Variants in RPRD2 observed in about 807,000 individuals in gnomAD.
RPRD2 encodes regulation of nuclear pre-mRNA domain-containing protein 2.
A neutral mutation model predicts 104.4 loss-of-function variants in RPRD2; 12 were observed. The observed-to-expected ratio is 0.11, with a 90% confidence interval of 0.07 to 0.19. The LOEUF is 0.19. Among genes scored for constraint, RPRD2 ranks in the 10% least tolerant of loss-of-function variants. RPRD2 has a pLI of 1.00. For synonymous variants in RPRD2, 714 were observed against 684.9 expected (o/e 1.04, Z -0.66); for missense variants, 1,543 against 1,790.1 (o/e 0.86, Z 2.49).
intron 5 of RPRD2, 115 bp downstream of exon 5, chr1:150,443,398 A>G (rs1666536325): frequency 1.4e-6 from 1 of 735,476 alleles, no homozygotes; most frequent in Non-Finnish European, 2.2e-6. Flanking sequence ...TCATGTTTTA[A>G]ACATGCATGA....
intron 2 of RPRD2, among the ~76,000 whole-genome samples, chr1:150,439,370 T>C (rs1227379155): frequency 1.3e-5 from 2 of 149,936 alleles, no homozygotes; most frequent in Non-Finnish European, 3.0e-5. Context: ...CAATAAAGCA[T>C]GTCACACGCA....
At chr1:150,387,909 T>C (rs1553882244) in intron 1 of RPRD2, among the ~76,000 whole-genome samples, 1 of 141,700 alleles carries the variant, frequency 7.1e-6, no homozygotes, top group Non-Finnish European at 1.5e-5. Context: ...TTTTTTTCTT[T>C]TCTCTTTTTT....
chr1:150,436,861 C>T (rs111607509), intron 2 of RPRD2, among the ~76,000 whole-genome samples: 7,269 of 150,030 alleles, frequency 0.048, 437 homozygotes, highest in African/African-American at 0.14. Flanking sequence ...GCTGAGATCG[C>T]GCCATTGCAC....
intron 8 of RPRD2, among the ~76,000 whole-genome samples, chr1:150,458,814 T>C (rs1346411619): frequency 2.0e-5 from 3 of 152,042 alleles, no homozygotes; most frequent in African/African-American, 7.2e-5. Context: ...CGGCTATTTT[T>C]TGTATGTTTA....
In RPRD2 at chr1:150,475,094, C is replaced by G. The variant is rs587774348; in HGVS notation, c.*1760C>G. The G allele has an allele frequency of 6.6e-6, 1 of 152,284 alleles. No individual in the cohort carries two copies. The highest frequency in any genetic ancestry group is 2.1e-4 in the South Asian group (1 of 4,828). 9.4% of individuals were successfully genotyped at this position (152,284 alleles called of 1,614,324 possible). On this transcript the variant is annotated 3_prime_UTR_variant, in exon 11 of 11. Transcript: ENST00000369068. ...TCTGGTCTTAAGCCAACTGTTCTTT[C>G]TTTCCTCGACCCTCTCTGCCCTGTA...
chr1:150,431,646 A>G (rs1665605024), intron 2 of RPRD2, among the ~76,000 whole-genome samples: 1 of 134,892 alleles, frequency 7.4e-6, no homozygotes. Context: ...ATACCCAGCT[A>G]ATTTTTGTAT....
chr1:150,372,739 A>G (rs1229039732), intron 1 of RPRD2, among the ~76,000 whole-genome samples: 1 of 152,140 alleles, frequency 6.6e-6, no homozygotes, highest in African/African-American at 2.4e-5. Context: ...ACATGAGGGT[A>G]TGAGGTGGGC....
At chr1:150,431,953 G>A (rs1341124151) in intron 2 of RPRD2, among the ~76,000 whole-genome samples, 1 of 152,126 alleles carries the variant, frequency 6.6e-6, no homozygotes, top group East Asian at 1.9e-4. Context: ...GCTGGAGAAA[G>A]GGGAGAATTG....
chr1:150,402,910 G>A (rs1663163659), intron 1 of RPRD2, among the ~76,000 whole-genome samples: 1 of 152,000 alleles, frequency 6.6e-6, no homozygotes, highest in African/African-American at 2.4e-5. Context: ...GGAGGTTGCG[G>A]TGAGCCGAGA....
At chr1:150,365,035 A>G in intron 1 of RPRD2, 116 bp downstream of exon 1, 1 of 1,073,596 alleles carries the variant, frequency 9.3e-7, no homozygotes, top group Non-Finnish European at 1.3e-6. Context: ...TGTTCACATT[A>G]AAGGTTTGAC....
chr1:150,436,603 A>T (rs1560201163), intron 2 of RPRD2, among the ~76,000 whole-genome samples: 1 of 145,714 alleles, frequency 6.9e-6, no homozygotes, highest in South Asian at 2.2e-4. Context: ...CGTCTCAATT[A>T]AAAAAAAAGA....
intron 10 of RPRD2, among the ~76,000 whole-genome samples, chr1:150,467,760 T>C (rs962612881): frequency 1.3e-5 from 2 of 152,112 alleles, no homozygotes; most frequent in African/African-American, 4.8e-5. Flanking sequence ...AAAAGGATTG[T>C]ATCTAGCAAG....
rs1446639236 is a variant in RPRD2, at chr1:150,472,034, C to T, written c.3086C>T (p.Ala1029Val). ...KPSDDKHFGQAPSKGTPSDGV... is the reference protein window; with the variant it reads ...KPSDDKHFGQVPSKGTPSDGV... The stretch of plus-strand genomic sequence containing the variant: ...TCAGATGATAAGCATTTTGGCCAGG[C>T]TCCCAGCAAGGGCACTCCAAGTGAT... Residue 1029 changes from alanine (A) to valine (V), a missense_variant, in exon 11 of 11, where the codon GCT becomes GTT. Coordinates refer to ENST00000369068, the MANE Select transcript of RPRD2 (RefSeq NM_015203.5). 4 of 1,613,886 alleles carry T rather than the reference C, an allele frequency of 2.5e-6. No individual in the cohort carries two copies. The highest frequency in any genetic ancestry group is 3.3e-5 in the Admixed American group (2 of 60,012).
At chr1:150,370,159 G>C (rs182264410) in intron 1 of RPRD2, among the ~76,000 whole-genome samples, 20 of 152,224 alleles carry the variant, frequency 1.3e-4, no homozygotes, top group African/African-American at 4.8e-4. Flanking sequence ...CTATCTGCCT[G>C]CCTTGGTCTC....
rs1452626640 is a variant in RPRD2, at chr1:150,474,803, A to T, written c.*1469A>T. The stretch of plus-strand genomic sequence containing the variant: ...TTTCCAGAGAATTCTGGCAAGTTTC[A>T]TATTTTCTTCCAAGTTAGTATAGAA... On this transcript the variant is annotated 3_prime_UTR_variant, in exon 11 of 11. Coordinates refer to ENST00000369068, the MANE Select transcript of RPRD2 (RefSeq NM_015203.5). 8 of 152,220 alleles carry T rather than the reference A, an allele frequency of 5.3e-5. 1 individual carries two copies. The South Asian group carries it at 1.5e-3, about 28-fold the overall frequency. 9.4% of individuals were successfully genotyped at this position (152,220 alleles called of 1,614,324 possible). A position where few individuals can be genotyped will look rare whatever the true frequency, so the allele number is the denominator to read the frequency against.
chr1:150,428,349 A>T (rs1665305249), intron 2 of RPRD2, among the ~76,000 whole-genome samples: 1 of 147,370 alleles, frequency 6.8e-6, no homozygotes, highest in African/African-American at 2.5e-5. Context: ...GCTACTCGGG[A>T]GGCTGAGGCA....
At chr1:150,404,371 C>T (rs1284549475) in intron 1 of RPRD2, among the ~76,000 whole-genome samples, 1 of 152,098 alleles carries the variant, frequency 6.6e-6, no homozygotes, top group African/African-American at 2.4e-5. Flanking sequence ...CTCAGCCTCC[C>T]GAGTAGCTGG....
chr1:150,395,358 T>C (rs1325278883), intron 1 of RPRD2, among the ~76,000 whole-genome samples: 1 of 146,082 alleles, frequency 6.8e-6, no homozygotes, highest in Admixed American at 6.9e-5. Flanking sequence ...GGCTGAGTAG[T>C]ATTCCATTGT....
At position 150,446,395 on chromosome 1, in the gene RPRD2, G is replaced by A; in HGVS notation, c.864G>A (p.Val288=). 1 of 1,588,082 alleles carries A rather than the reference G, an allele frequency of 6.3e-7. No individual in the cohort carries two copies. Among genetic ancestry groups the A allele is most frequent in the Non-Finnish European group, 8.5e-7 (1 of 1,172,910 alleles). Residue 288 remains valine (V), a synonymous_variant, in exon 7 of 11, where the codon GTG becomes GTA. Transcript: ENST00000369068. Reference sequence around the variant, plus strand: ...CACAATACAAAGAAGTAAAAGTGGTGGCTAATGTAAGTAATAATTAAAGCT... The same window carrying A: ...CACAATACAAAGAAGTAAAAGTGGTAGCTAATGTAAGTAATAATTAAAGCT... The part of the protein sequence containing the change: ...YEAQYKEVKV[V]ANAYKTFANR...
Sources: gnomAD v4.1 joint callset for allele counts (sites outside exome capture counted in the v4.1 genomes callset) on GRCh38, gnomAD v4.1.1 for gene constraint, MANE v1.5 for transcripts, NCBI Gene and HGNC (gene_info 2026-07-23, HGNC 2026-07-21) for gene names.